The following ADAMTS9 variants were observed in gnomAD, a reference collection of about 807,000 sequenced individuals.
ADAMTS9 encodes the protein A disintegrin and metalloproteinase with thrombospondin motifs 9.
Under a neutral mutation model 257.1 loss-of-function variants are expected in ADAMTS9, and 107 were observed. The ratio of observed to expected loss-of-function variants is 0.42; its 90% confidence interval spans 0.36 to 0.49. The LOEUF is 0.49. ADAMTS9 is among the 20% of genes least tolerant of loss of function. The pLI, the probability that ADAMTS9 is intolerant of heterozygous loss-of-function variation, is 0.03. For missense variants in ADAMTS9, 2,353 were observed against 2,469.1 expected (o/e 0.95, Z 1.00); for synonymous variants, 982 against 880.9 (o/e 1.11, Z -2.03).
At chr3:64,651,498 C>A (rs1700930432) in intron 8 of ADAMTS9, among the ~76,000 whole-genome samples, 1 of 152,086 alleles carries the variant, frequency 6.6e-6, no homozygotes, top group Admixed American at 6.5e-5. Context: ...GTTGGAATTC[C>A]TAATAAGCTG....
At chr3:64,585,452 A>T (rs2084123591) in intron 28 of ADAMTS9, among the ~76,000 whole-genome samples, 1 of 152,190 alleles carries the variant, frequency 6.6e-6, no homozygotes, top group African/African-American at 2.4e-5. Context: ...CTTTGCTAAA[A>T]GAAGAGTTCA....
At chr3:64,574,553 T>A in intron 28 of ADAMTS9, among the ~76,000 whole-genome samples, 1 of 102,504 alleles carries the variant, frequency 9.8e-6, no homozygotes, top group Admixed American at 1.1e-4. Context: ...CAAGACCCCA[T>A]CTCTACAAAA....
chr3:64,648,116 G>C, intron 10 of ADAMTS9, 72 bp from the exon 11 acceptor site: 1 of 1,365,070 alleles, frequency 7.3e-7, no homozygotes, highest in Non-Finnish European at 1.0e-6. Flanking sequence ...AGCAAAGCTT[G>C]CTTTCAACTA....
intron 28 of ADAMTS9, 33 bp from the exon 29 acceptor site, chr3:64,568,568 G>A (rs780927888): frequency 1.9e-6 from 3 of 1,606,178 alleles, no homozygotes; most frequent in African/African-American, 1.3e-5. Context: ...GGTTGTTGTT[G>A]TTTTTTAATT....
chr3:64,523,281 C>T (rs1245740768), intron 38 of ADAMTS9, among the ~76,000 whole-genome samples: 2 of 152,240 alleles, frequency 1.3e-5, no homozygotes, highest in Middle Eastern at 3.4e-3. Flanking sequence ...TTCACTGGCT[C>T]TTAATGGGTC....
intron 39 of ADAMTS9, 144 bp downstream of exon 39, chr3:64,522,022 C>T (rs2082858652): frequency 1.6e-6 from 1 of 637,598 alleles, no homozygotes; most frequent in Admixed American, 2.6e-5. Context: ...GACAGAGGAG[C>T]AGGAGATAAA....
chr3:64,565,249 A>G, intron 29 of ADAMTS9, among the ~76,000 whole-genome samples: 1 of 152,232 alleles, frequency 6.6e-6, no homozygotes, highest in Admixed American at 6.5e-5. Context: ...ACATCACAAT[A>G]CAGCTGCTCT....
In ADAMTS9 at chr3:64,613,382, G is replaced by A. The variant is rs561929245; in HGVS notation, c.3317C>T (p.Pro1106Leu). The change falls in exon 22 of 40, where the codon CCG (proline) becomes CTG (leucine). Residue 1106 changes from proline (P) to leucine (L), a missense_variant. Pro to Leu is a moderately conservative substitution (Grantham distance 98, BLOSUM62 -3). This residue lies in a region of ADAMTS9 where 1,402 missense variants were observed against 1,441.4 expected (regional missense o/e 0.97). Coordinates refer to ENST00000498707, the MANE Select transcript of ADAMTS9 (RefSeq NM_182920.2). Reference sequence around the variant, plus strand: ...ACCCGCCTGCCAGGATGCACATTCCGGCTGCTGACAAGTCTGCATAGATGT... The same window carrying A: ...ACCCGCCTGCCAGGATGCACATTCCAGCTGCTGACAAGTCTGCATAGATGT... ...KPTSMQTCQQPECASWQAGPW... is the reference protein window; with the variant it reads ...KPTSMQTCQQLECASWQAGPW... The A allele has an allele frequency of 8.1e-6, 13 of 1,613,762 alleles. No homozygotes were observed. The Admixed American group carries it at 8.3e-5, about 10-fold the overall frequency.
intron 28 of ADAMTS9, 42 bp downstream of exon 28, chr3:64,594,216 T>A (rs748294457): frequency 6.3e-7 from 1 of 1,577,350 alleles, no homozygotes; most frequent in Non-Finnish European, 8.6e-7. Context: ...TACCTTGGAA[T>A]TAGATAGTTT....
rs752383033 is a variant in ADAMTS9 at position 64,546,924 on chromosome 3, T to C, written c.4898A>G (p.Lys1633Arg). Residue 1633 changes from lysine to arginine, a missense_variant, in exon 32 of 40, where the codon AAA becomes AGA. By Grantham distance (26) the Lys-to-Arg change is conservative. Transcript: ENST00000498707. ...ECSVTCGKGY[K>R]QRLVSCSEIY... is the part of the protein sequence containing the mutation. ...CTCGCTGCACGAGACAAGCCTTTGT[T>C]TGTAGCCTTTTCCACAGGTCACTGA... The C allele has an allele frequency of 5.6e-6, 9 of 1,611,502 alleles. No individual in the cohort carries two copies. Among genetic ancestry groups the C allele is most frequent in the Non-Finnish European group, 7.6e-6 (9 of 1,178,760 alleles).
At chr3:64,622,958 A>G (rs1331307464) in intron 16 of ADAMTS9, among the ~76,000 whole-genome samples, 1 of 152,216 alleles carries the variant, frequency 6.6e-6, no homozygotes, top group Non-Finnish European at 1.5e-5. Context: ...GCATTAGTGA[A>G]CGGAACACTT....
chr3:64,582,230 A>G (rs947652530), intron 28 of ADAMTS9, among the ~76,000 whole-genome samples: 1 of 152,166 alleles, frequency 6.6e-6, no homozygotes, highest in Non-Finnish European at 1.5e-5. Flanking sequence ...AACTGCAGAA[A>G]CTTGCTTCCC....
At chr3:64,563,482 G>C (rs997695445) in intron 29 of ADAMTS9, among the ~76,000 whole-genome samples, 1 of 128,142 alleles carries the variant, frequency 7.8e-6, no homozygotes, top group South Asian at 2.7e-4. Context: ...ATAACCTAAA[G>C]AAAAATGAAA....
intron 2 of ADAMTS9, chr3:64,684,936 T>G (rs901677916): frequency 6.6e-6 from 1 of 152,238 alleles, no homozygotes; most frequent in Non-Finnish European, 1.5e-5. Flanking sequence ...TCTTGGAATC[T>G]AGGGGCACTC....
At position 64,686,782 on chromosome 3, in the gene ADAMTS9, C is replaced by G; in HGVS notation, c.302G>C (p.Arg101Pro). The G allele has an allele frequency of 6.2e-7, 1 of 1,614,022 alleles. No homozygotes were observed. Among genetic ancestry groups the G allele is most frequent in the Non-Finnish European group, 8.5e-7 (1 of 1,180,012 alleles). ...AAACTGCTGGCCGAAGGCAGAGAGGCGGTAATGCGCCTGGGAGGAGGTAGA... is the reference window on the plus strand; with the variant it reads ...AAACTGCTGGCCGAAGGCAGAGAGGGGGTAATGCGCCTGGGAGGAGGTAGA... ...SSSTSSQAHYRLSAFGQQFLF... is the reference protein window; with the variant it reads ...SSSTSSQAHYPLSAFGQQFLF... The change falls in exon 2 of 40, where the codon CGC becomes CCC. Residue 101 changes from arginine (R) to proline (P), a missense_variant. Transcript: ENST00000498707. The surrounding 1 kb of genome is among the most constrained non-coding windows in gnomAD (Gnocchi z 4.6).
chr3:64,600,051 CTTTT>C (rs35753372), intron 26 of ADAMTS9, among the ~76,000 whole-genome samples: 20 of 104,188 alleles, frequency 1.9e-4, no homozygotes, highest in African/African-American at 3.5e-4. Context: ...AGTTTCTGTT[CTTTT>C]TTTTTTTTTT....
rs1559796068 is a variant in ADAMTS9, at chr3:64,621,254, G to A, written c.2687-14C>T. ...GTTTCCGTTCCCCTAAGCAGAAAGG[G>A]AAAAAAAATTATTCAGGGAAAATAA... On this transcript the variant is annotated splice_polypyrimidine_tract_variant and intron_variant, in intron 18 of 39. Coordinates refer to ENST00000498707, the MANE Select transcript of ADAMTS9 (RefSeq NM_182920.2). The A allele has an allele frequency of 2.5e-6, 4 of 1,600,038 alleles. No homozygotes were observed. Among genetic ancestry groups the A allele is most frequent in the Admixed American group, 1.8e-5 (1 of 56,860 alleles).
rs916660027 is a variant in ADAMTS9, at chr3:64,687,729, C to A, written c.-72G>T. 5 of 1,248,096 alleles carry A rather than the reference C, an allele frequency of 4.0e-6. 1 individual carries two copies. Among genetic ancestry groups the A allele is most frequent in the South Asian group, 3.4e-5 (2 of 58,848 alleles). The allele number at this position is 1,248,096 out of a possible 1,614,324, so 77.3% of individuals were successfully genotyped here. A position where few individuals can be genotyped will look rare whatever the true frequency, so the allele number is the denominator to read the frequency against. ...GCCCTCCTTGGCTGCGGCGGCGACG[C>A]GAGGCAGCGGCCGTGGAGAGCGCGC... On this transcript the variant is annotated 5_prime_UTR_variant, in exon 1 of 40. Transcript: ENST00000498707. This position sits in a 1 kb window ranked among gnomAD's most constrained non-coding sequence, Gnocchi z 4.4.
intron 11 of ADAMTS9, among the ~76,000 whole-genome samples, chr3:64,647,427 C>T (rs1307952582): frequency 1.3e-5 from 2 of 152,084 alleles, no homozygotes; most frequent in Non-Finnish European, 2.9e-5. Context: ...AACCAGCTCA[C>T]GAGAACTTGG....
Sources: gnomAD v4.1 joint callset for allele counts (sites outside exome capture counted in the v4.1 genomes callset) on GRCh38, gnomAD v4.1.1 for gene constraint, gnomAD v4.1.1 regional missense constraint, Gnocchi (gnomAD v3.1) non-coding constraint, MANE v1.5 for transcripts, NCBI Gene and HGNC (gene_info 2026-07-23, HGNC 2026-07-21) for gene names.